The following PTPRO variants were observed in gnomAD, a reference collection of about 807,000 sequenced individuals.
The protein encoded by PTPRO is receptor-type tyrosine-protein phosphatase O.
In PTPRO, 62 loss-of-function variants were observed where a neutral mutation model predicts 145.2. The observed-to-expected ratio is 0.43, with a 90% CI of 0.35 to 0.53. The LOEUF is 0.53. Among genes scored for constraint, PTPRO ranks in the 20% least tolerant of loss-of-function variants. The probability of loss-of-function intolerance (pLI) is 0.01; values close to 1 mark genes in which losing one functional copy is unlikely to be tolerated. For synonymous variants in PTPRO, 565 were observed against 514.7 expected, an observed-to-expected ratio of 1.10 and a Z score of -1.32; for missense variants, 1,345 against 1,482.7, an observed-to-expected ratio of 0.91 and a Z score of 1.53.
chr12:15,540,407 T>C (rs754809628), intron 12 of PTPRO, among the ~76,000 whole-genome samples: 11 of 152,250 alleles, frequency 7.2e-5, no homozygotes, highest in Non-Finnish European at 2.9e-5. Context: ...ATAAATGTTG[T>C]TATGTGGATC....
chr12:15,565,507 A>G (rs905983848), intron 17 of PTPRO, 86 bp from the exon 18 acceptor site: 46 of 883,418 alleles, frequency 5.2e-5, no homozygotes, highest in Non-Finnish European at 8.5e-5. Flanking sequence ...TACCTGATGT[A>G]ATTATTTAAA....
At chr12:15,556,263 G>A (rs1001190382) in intron 15 of PTPRO, among the ~76,000 whole-genome samples, 1 of 152,112 alleles carries the variant, frequency 6.6e-6, no homozygotes, top group Non-Finnish European at 1.5e-5. Flanking sequence ...TATTATATTA[G>A]TGTATTTTTC....
intron 12 of PTPRO, among the ~76,000 whole-genome samples, chr12:15,531,947 C>T (rs976637708): frequency 5.3e-5 from 8 of 152,128 alleles, no homozygotes; most frequent in Non-Finnish European, 2.9e-5. Context: ...TAAGTAAAGA[C>T]TAATTCGTGG....
chr12:15,440,405 G>C, intron 1 of PTPRO: 1 of 284,898 alleles, frequency 3.5e-6, no homozygotes. Context: ...TACAACATAG[G>C]ATTTTTATAC....
chr12:15,334,724 A>G (rs1866706745), intron 1 of PTPRO, among the ~76,000 whole-genome samples: 1 of 152,140 alleles, frequency 6.6e-6, no homozygotes, highest in African/African-American at 2.4e-5. Context: ...ATTGTGATCA[A>G]ATTATTTACA....
At chr12:15,569,986 C>A (rs1000336844) in intron 19 of PTPRO, among the ~76,000 whole-genome samples, 9 of 152,166 alleles carry the variant, frequency 5.9e-5, no homozygotes, top group African/African-American at 1.2e-4. Flanking sequence ...TACTTAATAA[C>A]TTTTGTGCAG....
chr12:15,328,980 G>C (rs1046617763), intron 1 of PTPRO, among the ~76,000 whole-genome samples: 8 of 152,162 alleles, frequency 5.3e-5, no homozygotes, highest in Admixed American at 2.0e-4. Flanking sequence ...AGATTTAAAT[G>C]ATGAATGTTT....
chr12:15,520,421 G>T, intron 10 of PTPRO, 109 bp downstream of exon 10: 1 of 766,274 alleles, frequency 1.3e-6, no homozygotes, highest in Non-Finnish European at 2.3e-6. Context: ...CACTGGGTGA[G>T]CATCAATTTC....
intron 1 of PTPRO, among the ~76,000 whole-genome samples, chr12:15,387,014 T>C (rs927452383): frequency 1.3e-5 from 2 of 152,228 alleles, no homozygotes; most frequent in African/African-American, 2.4e-5. Context: ...CTGGCTTAAG[T>C]ATCTGTCAGG....
intron 1 of PTPRO, among the ~76,000 whole-genome samples, chr12:15,473,839 C>T (rs1167227009): frequency 1.4e-5 from 2 of 143,666 alleles, no homozygotes; most frequent in African/African-American, 5.1e-5. Context: ...CTTTGAAATA[C>T]AACTAGTATT....
intron 15 of PTPRO, among the ~76,000 whole-genome samples, chr12:15,556,063 G>C (rs578167025): frequency 6.6e-6 from 1 of 152,204 alleles, no homozygotes; most frequent in Non-Finnish European, 1.5e-5. Flanking sequence ...TGATAGAAAG[G>C]ACTGCTAAGT....
At chr12:15,504,330 T>TAAAACTGGTGGAAAAAG (rs1942278944) in intron 6 of PTPRO, among the ~76,000 whole-genome samples, 1 of 152,156 alleles carries the variant, frequency 6.6e-6, no homozygotes, top group African/African-American at 2.4e-5. Context: ...AAACTGACCT[T>TAAAACTGGTGGAAAAAG]TCACATTAGC....
intron 1 of PTPRO, among the ~76,000 whole-genome samples, chr12:15,397,695 G>C (rs1939380514): frequency 6.6e-6 from 1 of 152,162 alleles, no homozygotes; most frequent in Non-Finnish European, 1.5e-5. Context: ...TGAGCACCTA[G>C]TATTTTAGGG....
chr12:15,554,421 T>C (rs1943561760), intron 15 of PTPRO, among the ~76,000 whole-genome samples: 1 of 151,490 alleles, frequency 6.6e-6, no homozygotes. Flanking sequence ...TGTGTATATA[T>C]ATATATATCT....
intron 1 of PTPRO, among the ~76,000 whole-genome samples, chr12:15,353,874 TC>T (rs971013727): frequency 6.6e-6 from 1 of 152,196 alleles, no homozygotes; most frequent in African/African-American, 2.4e-5. Flanking sequence ...AAGCCATGTT[TC>T]ATCTCCGGTT....
At chr12:15,529,383 G>A (rs1029136854) in intron 12 of PTPRO, among the ~76,000 whole-genome samples, 1 of 151,700 alleles carries the variant, frequency 6.6e-6, no homozygotes, top group East Asian at 1.9e-4. Context: ...GCCAGGCATG[G>A]TGGCTCATGC....
rs868150831 is a variant in PTPRO at position 15,439,869 on chromosome 12, C to T, written c.76-44105C>T. On this transcript the variant is annotated intron_variant, in intron 1 of 26. Transcript: ENST00000281171. ...AAGATTATGATGGTGCAGAAGCAGA[C>T]CCACGTCGGCCAGCACACCAAGTTC... is the stretch of plus-strand genomic sequence containing the variant. The T allele has an allele frequency of 2.7e-5, 17 of 637,872 alleles. No homozygotes were observed. In the African/African-American group the frequency reaches 2.7e-4, roughly 10 times the overall value. 39.5% of individuals were successfully genotyped at this position (637,872 alleles called of 1,614,324 possible).
chr12:15,427,798 G>A (rs955450413), intron 1 of PTPRO, among the ~76,000 whole-genome samples: 11 of 144,876 alleles, frequency 7.6e-5, no homozygotes, highest in African/African-American at 2.5e-4. Flanking sequence ...CTTTTTCATA[G>A]CAATTTGTTC....
At chr12:15,429,715 T>G (rs1422707089) in intron 1 of PTPRO, among the ~76,000 whole-genome samples, 1 of 152,086 alleles carries the variant, frequency 6.6e-6, no homozygotes, top group African/African-American at 2.4e-5. Context: ...GAGAGCAACA[T>G]GACCTGTTTT....
Sources: allele counts gnomAD v4.1 joint callset (sites outside exome capture counted in the v4.1 genomes callset), GRCh38; gene constraint gnomAD v4.1.1; transcripts MANE v1.5; gene names NCBI Gene and HGNC (gene_info 2026-07-23, HGNC 2026-07-21).